BICC1: variants seen among roughly 807,000 people sequenced by gnomAD.
BICC1 encodes the protein protein bicaudal C homolog 1.
In BICC1, 43 loss-of-function variants were observed where a neutral mutation model predicts 111.0. The observed-to-expected ratio is 0.39, with a 90% CI of 0.30 to 0.50. The LOEUF (loss-of-function observed/expected upper bound fraction) is 0.50, where lower values mean the gene tolerates loss of function less well. BICC1 is among the 20% of genes least tolerant of loss of function. The pLI, the probability that BICC1 is intolerant of heterozygous loss-of-function variation, is 0.88. For missense variants in BICC1, 1,091 were observed against 1,203.2 expected, an observed-to-expected ratio of 0.91 and a Z score of 1.38; for synonymous variants, 467 against 434.4, an observed-to-expected ratio of 1.07 and a Z score of -0.93.
In BICC1 at chr10:58,620,905, A is replaced by AGTT; in HGVS notation, c.237+7_237+9dup. On this transcript the variant is annotated splice_donor_region_variant and intron_variant, in intron 2 of 20. Transcript: ENST00000373886. ...TGGGGAAGACTTTTTTCAAAAGGTA[A>AGTT]GTTGTCTTTTACTCTTGTCATGGTG... 6.2e-7 allele frequency: 1 copy of AGTT among 1,613,266 alleles called. No individual in the cohort carries two copies. Among genetic ancestry groups the AGTT allele is most frequent in the Non-Finnish European group, 8.5e-7 (1 of 1,179,494 alleles).
At position 58,789,827 on chromosome 10, in the gene BICC1, C is replaced by G; in HGVS notation, c.941C>G (p.Thr314Arg). ...AACATCAAACATATCATGCAGAGAACAGGTGCTCAGATCCACTTTCCTGAT... is the reference window on the plus strand; with the variant it reads ...AACATCAAACATATCATGCAGAGAAGAGGTGCTCAGATCCACTTTCCTGAT... ...GSNIKHIMQR[T>R]GAQIHFPDPS... is the part of the protein sequence containing the mutation. Residue 314 changes from threonine to arginine, a missense_variant, in exon 8 of 21, where the codon ACA becomes AGA. Thr to Arg is a moderately conservative substitution (Grantham distance 71). Coordinates refer to ENST00000373886, the MANE Select transcript of BICC1 (RefSeq NM_001080512.3). 1 of 1,614,146 alleles carries G rather than the reference C, an allele frequency of 6.2e-7. No individual in the cohort carries two copies. The highest frequency in any genetic ancestry group is 8.5e-7 in the Non-Finnish European group (1 of 1,180,012).
Position 58,737,026 on chromosome 10 carries a change from A to G in BICC1, c.307+34883A>G, listed in dbSNP as rs536344237. ...AGAATATTTAAAAATGAAATACTAT[A>G]TATGTCAACATTTGAAAAAAAATTT... On this transcript the variant is annotated intron_variant, in intron 3 of 20. Coordinates refer to ENST00000373886, the MANE Select transcript of BICC1 (RefSeq NM_001080512.3). 5.9e-5 allele frequency among the ~76,000 whole-genome samples: 9 copies of G among 152,292 alleles called. No homozygotes were observed. In the East Asian group the frequency reaches 1.3e-3, roughly 23 times the overall value.
intron 13 of BICC1, 111 bp downstream of exon 13, chr10:58,800,437 C>A: frequency 1.0e-6 from 1 of 967,378 alleles, no homozygotes; most frequent in Non-Finnish European, 1.5e-6. Context: ...AGCTATCATT[C>A]ATCCTACCTC....
intron 2 of BICC1, among the ~76,000 whole-genome samples, chr10:58,695,730 G>T (rs897243785): frequency 1.4e-4 from 21 of 152,204 alleles, no homozygotes; most frequent in African/African-American, 5.1e-4. Flanking sequence ...GATATTATCC[G>T]GTAATTGCTG....
chr10:58,700,810 G>A (rs1840210612), intron 2 of BICC1, among the ~76,000 whole-genome samples: 1 of 152,184 alleles, frequency 6.6e-6, no homozygotes, highest in South Asian at 2.1e-4. Context: ...CTCAGTGCCA[G>A]CCAAGCATTG....
chr10:58,694,437 A>T (rs546992689), intron 2 of BICC1, among the ~76,000 whole-genome samples: 1 of 152,306 alleles, frequency 6.6e-6, no homozygotes, highest in South Asian at 2.1e-4. Context: ...TGAAATTTGT[A>T]TTTGATGCAA....
intron 2 of BICC1, among the ~76,000 whole-genome samples, chr10:58,628,165 A>G (rs914173302): frequency 6.6e-6 from 1 of 152,160 alleles, no homozygotes; most frequent in African/African-American, 2.4e-5. Context: ...CTTTCCTACA[A>G]TGGACCTCCA....
intron 1 of BICC1, among the ~76,000 whole-genome samples, chr10:58,555,522 A>G (rs972095825): frequency 3.3e-5 from 5 of 152,072 alleles, no homozygotes; most frequent in African/African-American, 1.2e-4. Flanking sequence ...CTAGGTGATG[A>G]GGTTCTCTAT....
intron 1 of BICC1, among the ~76,000 whole-genome samples, chr10:58,573,301 T>C (rs1485297089): frequency 1.3e-5 from 2 of 152,174 alleles, no homozygotes; most frequent in African/African-American, 4.8e-5. Flanking sequence ...GTAGTTAGAT[T>C]TTCATCCAAC....
intron 1 of BICC1, among the ~76,000 whole-genome samples, chr10:58,608,684 T>C (rs754659170): frequency 6.6e-6 from 1 of 152,196 alleles, no homozygotes; most frequent in Non-Finnish European, 1.5e-5. Context: ...TACAGGGTGC[T>C]GCTTTGCATA....
chr10:58,807,225 C>T (rs1350655903), intron 17 of BICC1, 67 bp downstream of exon 17: 2 of 1,466,348 alleles, frequency 1.4e-6, no homozygotes, highest in Non-Finnish European at 1.9e-6. Context: ...CAGTCCTTCC[C>T]CCACCCTCAT....
chr10:58,746,366 T>G (rs1420853575), intron 3 of BICC1, among the ~76,000 whole-genome samples: 1 of 152,138 alleles, frequency 6.6e-6, no homozygotes, highest in Non-Finnish European at 1.5e-5. Context: ...CTGTCAGCAT[T>G]TGGAGAACTA....
intron 10 of BICC1, among the ~76,000 whole-genome samples, chr10:58,797,824 CA>C (rs570209117): frequency 6.7e-6 from 1 of 148,682 alleles, no homozygotes; most frequent in African/African-American, 2.5e-5. Context: ...CAACAACAAC[CA>C]AAAAAAAACA....
intron 2 of BICC1, among the ~76,000 whole-genome samples, chr10:58,659,336 G>A (rs967632866): frequency 1.3e-5 from 2 of 152,120 alleles, no homozygotes; most frequent in African/African-American, 4.8e-5. Flanking sequence ...CAACCTAAAT[G>A]TCCATCAATG....
chr10:58,774,519 A>C (rs1461199780), intron 3 of BICC1, among the ~76,000 whole-genome samples: 2 of 152,258 alleles, frequency 1.3e-5, no homozygotes, highest in Non-Finnish European at 2.9e-5. Flanking sequence ...ATAGTTGTTC[A>C]TAATGGAAAA....
intron 2 of BICC1, among the ~76,000 whole-genome samples, chr10:58,645,405 T>C (rs1393489920): frequency 1.1e-3 from 20 of 18,450 alleles, no homozygotes; most frequent in African/African-American, 4.9e-3. Flanking sequence ...AGACTCCATC[T>C]CAAAAAAAAA....
rs143204234 is a variant in BICC1 at position 58,630,426 on chromosome 10, T to G, written c.237+9525T>G. ...GGATGCATCTCAGGTTCTTTTCCTG[T>G]TTTTGTTTTGTTTTGTTTAAAGAGA... On this transcript the variant is annotated intron_variant, in intron 2 of 20. Transcript: ENST00000373886. 3.4e-4 allele frequency among the ~76,000 whole-genome samples: 52 copies of G among 152,108 alleles called. 1 individual carries two copies. Among genetic ancestry groups the G allele is most frequent in the African/African-American group, 1.3e-3 (52 of 41,506 alleles).
intron 3 of BICC1, among the ~76,000 whole-genome samples, chr10:58,708,789 C>T (rs1840482188): frequency 6.6e-6 from 1 of 152,182 alleles, no homozygotes; most frequent in Non-Finnish European, 1.5e-5. Context: ...ACCTACCTAG[C>T]CCCCAGGTGG....
chr10:58,636,239 T>C (rs991406899), intron 2 of BICC1, among the ~76,000 whole-genome samples: 1 of 152,234 alleles, frequency 6.6e-6, no homozygotes, highest in Admixed American at 6.5e-5. Flanking sequence ...CTGAGTCATA[T>C]GACTAGCCAT....
Sources: allele counts gnomAD v4.1 joint callset (sites outside exome capture counted in the v4.1 genomes callset), GRCh38; gene constraint gnomAD v4.1.1; transcripts MANE v1.5; gene names NCBI Gene and HGNC (gene_info 2026-07-23, HGNC 2026-07-21).